Variants in CCNT1 observed in about 807,000 individuals in gnomAD.
CCNT1 encodes the protein cyclin-T1.
Under a neutral mutation model 67.3 loss-of-function variants are expected in CCNT1, and 18 were observed. The ratio of observed to expected loss-of-function variants is 0.27; its 90% confidence interval spans 0.18 to 0.40. The LOEUF (loss-of-function observed/expected upper bound fraction) is 0.40. Among genes scored for constraint, CCNT1 ranks in the 10% least tolerant of loss-of-function variants. The pLI, the probability that CCNT1 is intolerant of heterozygous loss-of-function variation, is 1.00. For missense variants in CCNT1, 744 were observed against 884.9 expected, an observed-to-expected ratio of 0.84 and a Z score of 2.02; for synonymous variants, 333 against 310.3, an observed-to-expected ratio of 1.07 and a Z score of -0.77.
In CCNT1 at chr12:48,693,509, T is replaced by TG; in HGVS notation, c.1704dup (p.Ser569GlnfsTer5). The TG allele has an allele frequency of 6.2e-7, 1 of 1,614,174 alleles. No homozygotes were observed. Among genetic ancestry groups the TG allele is most frequent in the Middle Eastern group, 1.6e-4 (1 of 6,062 alleles). ...GAGGGTCCCCTTTTACGAGTAGAACTGGAAGAGGAAAAAGAACTAGACAAG... is the reference window on the plus strand; with the variant it reads ...GAGGGTCCCCTTTTACGAGTAGAACTGGGAAGAGGAAAAAGAACTAGACAAG... On this transcript the variant is annotated frameshift_variant, in exon 9 of 9. Transcript: ENST00000261900. LOFTEE classifies it high-confidence loss of function.
At position 48,693,946 on chromosome 12, in the gene CCNT1, T is replaced by C; in HGVS notation, c.1268A>G (p.Gln423Arg). Residue 423 changes from glutamine (Q) to arginine (R), a missense_variant, in exon 9 of 9, where the codon CAG becomes CGG. Physicochemically the swap from Gln to Arg is conservative, Grantham distance 43. Transcript: ENST00000261900. ...NVKSQYAYAA[Q>R]NLLSHHDSHS... is the part of the protein sequence containing the mutation. ...GCTATCATGATGAGAAAGGAGATTC[T>C]GGGCAGCATATGCATATTGTGACTT... 6.2e-7 allele frequency: 1 copy of C among 1,614,222 alleles called. No individual in the cohort carries two copies. The highest frequency in any genetic ancestry group is 8.5e-7 in the Non-Finnish European group (1 of 1,180,040).
intron 2 of CCNT1, among the ~76,000 whole-genome samples, chr12:48,707,001 C>T (rs942932034): frequency 6.6e-6 from 1 of 151,992 alleles, no homozygotes; most frequent in African/African-American, 2.4e-5. Context: ...CCCAGGAGTC[C>T]GAGACCAGCC....
chr12:48,707,669 T>G (rs1367541264), intron 2 of CCNT1, among the ~76,000 whole-genome samples: 5 of 147,070 alleles, frequency 3.4e-5, no homozygotes, highest in Admixed American at 6.6e-5. Context: ...TATGTACCCA[T>G]GATAATTAAT....
chr12:48,693,005 G>T lies in CCNT1; in HGVS notation c.*28C>A. 1 of 1,406,068 alleles carries T rather than the reference G, an allele frequency of 7.1e-7. No homozygotes were observed. The highest frequency in any genetic ancestry group is 9.6e-7 in the Non-Finnish European group (1 of 1,044,256). The allele number at this position is 1,406,068 out of a possible 1,614,324, so 87.1% of individuals were successfully genotyped here. ...AAAAATTATGTGTTTTTTTAAAGAA[G>T]TTTTTTTCTCCTCTTCTTTTTCTTT... On this transcript the variant is annotated 3_prime_UTR_variant, in exon 9 of 9. Coordinates refer to ENST00000261900, the MANE Select transcript of CCNT1 (RefSeq NM_001240.4).
In CCNT1 at chr12:48,693,581, G is replaced by A. The variant is rs1239735432; in HGVS notation, c.1633C>T (p.Pro545Ser). Residue 545 changes from proline to serine, a missense_variant, in exon 9 of 9, where the codon CCA becomes TCA. By Grantham distance (74) the Pro-to-Ser change is moderately conservative (BLOSUM62 -1). Coordinates refer to ENST00000261900, the MANE Select transcript of CCNT1 (RefSeq NM_001240.4). ...VGTGNKRPGD[P>S]KHSSQTSNLA... is the part of the protein sequence containing the mutation. ...TTGCTTGTCTGGCTACTATGTTTTG[G>A]ATCACCAGGACGTTTGTTCCCAGTA... The A allele has an allele frequency of 6.2e-7, 1 of 1,614,122 alleles. No homozygotes were observed. The highest frequency in any genetic ancestry group is 2.2e-5 in the East Asian group (1 of 44,864).
chr12:48,715,867 C>A (rs1279096418), intron 1 of CCNT1, among the ~76,000 whole-genome samples: 1 of 152,214 alleles, frequency 6.6e-6, no homozygotes, highest in Non-Finnish European at 1.5e-5. Context: ...GTATCCCCTA[C>A]AAACGTAAAC....
rs754145543 is a variant in CCNT1, at chr12:48,693,847, T to C, written c.1367A>G (p.Asp456Gly). The change falls in exon 9 of 9, where the codon GAC (aspartate) becomes GGC (glycine). Residue 456 changes from aspartate to glycine, a missense_variant. Coordinates refer to ENST00000261900, the MANE Select transcript of CCNT1 (RefSeq NM_001240.4). ...GATTCTCATTTTGAGAGCTGTTTTG[T>C]CAGCCTTTTCCAGAAAAGGCCGCTC... The part of the protein sequence containing the change: ...NPERPFLEKA[D>G]KTALKMRIPV... 18 of 1,614,154 alleles carry C rather than the reference T, an allele frequency of 1.1e-5. No individual in the cohort carries two copies. The highest frequency in any genetic ancestry group is 1.4e-5 in the Non-Finnish European group (17 of 1,180,008).
chr12:48,715,628 T>TA (rs1940521909), intron 1 of CCNT1, among the ~76,000 whole-genome samples: 2 of 151,804 alleles, frequency 1.3e-5, no homozygotes, highest in African/African-American at 4.8e-5. Flanking sequence ...GCCGGGGTAA[T>TA]TTTTTGTATT....
rs149815658 is a variant in CCNT1 at position 48,693,304 on chromosome 12, G to T, written c.1910C>A (p.Ser637Ter). 1.9e-6 allele frequency: 3 copies of T among 1,614,176 alleles called. No homozygotes were observed. The Admixed American group carries it at 5.0e-5, about 27-fold the overall frequency. The change falls in exon 9 of 9, where the codon TCG (serine) becomes TAG (stop). Residue 637 changes from serine (S) to a stop codon, truncating the protein, a stop_gained. Coordinates refer to ENST00000261900, the MANE Select transcript of CCNT1 (RefSeq NM_001240.4). LOFTEE classifies it high-confidence loss of function. Reference protein sequence around the residue: ...QPSCKTRVPHSKLDKGPTGAN... With the variant: ...QPSCKTRVPH ...CCCAGTGGGCCCTTTATCCAGTTTC[G>T]AATGAGGGACACGAGTTTTACAGCT...
In CCNT1 at chr12:48,716,706, C is replaced by G. The variant is rs778949356; in HGVS notation, c.-31G>C. On this transcript the variant is annotated 5_prime_UTR_variant, in exon 1 of 9. Transcript: ENST00000261900. ...TTCAACCAGAAGGCAGCGGCGAAGG[C>G]TGCAGGCACTTCCCAGCGTCACCTA... 2.5e-6 allele frequency: 4 copies of G among 1,605,258 alleles called. No individual in the cohort carries two copies. The highest frequency in any genetic ancestry group is 3.4e-6 in the Non-Finnish European group (4 of 1,173,902).
intron 2 of CCNT1, among the ~76,000 whole-genome samples, chr12:48,707,866 C>T (rs1302290935): frequency 2.6e-5 from 4 of 151,400 alleles, no homozygotes; most frequent in South Asian, 2.1e-4. Context: ...AAGACCAGCC[C>T]GGCCAACATG....
At position 48,696,079 on chromosome 12, in the gene CCNT1, T is replaced by A. The variant is rs1331561433; in HGVS notation, c.626A>T (p.Asn209Ile). 10 of 1,613,826 alleles carry A rather than the reference T, an allele frequency of 6.2e-6. No individual in the cohort carries two copies. The highest frequency in any genetic ancestry group is 1.3e-5 in the African/African-American group (1 of 74,846). ...GTCAGTTGAGACTGGGATCTCCCAA[T>A]TGGACCACTTGCAAGCCAGGTGAAT... is the stretch of plus-strand genomic sequence containing the variant. ...VCIHLACKWS[N>I]WEIPVSTDGK... is the part of the protein sequence containing the mutation. The change falls in exon 7 of 9, where the codon AAT (asparagine) becomes ATT (isoleucine). Residue 209 changes from asparagine (N) to isoleucine (I), a missense_variant. Transcript: ENST00000261900.
rs776007780 is a variant in CCNT1 at position 48,693,612 on chromosome 12, T to G, written c.1602A>C (p.Pro534=). The G allele has an allele frequency of 6.2e-7, 1 of 1,614,184 alleles. No individual in the cohort carries two copies. Among genetic ancestry groups the G allele is most frequent in the Non-Finnish European group, 8.5e-7 (1 of 1,180,030 alleles). ...CAGGACGTTTGTTCCCAGTACCAAC[T>G]GGAAGTTGGGAATGAGAGTGCTTGT... ...HSHKHSHSQL[P]VGTGNKRPGD... is the part of the protein sequence containing the mutation. The change falls in exon 9 of 9, where the codon CCA becomes CCC. Residue 534 remains proline, a synonymous_variant. Transcript: ENST00000261900.
chr12:48,692,266 T>G lies in CCNT1; in HGVS notation c.*767A>C, dbSNP rs1368241899. 1 of 152,228 alleles carries G rather than the reference T, an allele frequency of 6.6e-6. No homozygotes were observed. The highest frequency in any genetic ancestry group is 1.9e-4 in the East Asian group (1 of 5,208). The allele number at this position is 152,228 out of a possible 1,614,324, so 9.4% of individuals were successfully genotyped here. On this transcript the variant is annotated 3_prime_UTR_variant, in exon 9 of 9. Transcript: ENST00000261900. ...TGTCAAATACATGCCTCTTCCTTTATGTTCTCAAGGCCAACCATGTTTTTC... is the reference window on the plus strand; with the variant it reads ...TGTCAAATACATGCCTCTTCCTTTAGGTTCTCAAGGCCAACCATGTTTTTC...
At chr12:48,705,970 G>C (rs904550515) in intron 2 of CCNT1, 74 bp from the exon 3 acceptor site, 1 of 1,399,520 alleles carries the variant, frequency 7.1e-7, no homozygotes, top group Non-Finnish European at 9.6e-7. Context: ...CTAAAGAGGA[G>C]CTAAGTCTCA....
chr12:48,698,218 G>A (rs753650143), intron 5 of CCNT1, 35 bp from the exon 6 acceptor site: 10 of 1,425,030 alleles, frequency 7.0e-6, no homozygotes, highest in Non-Finnish European at 8.6e-6. Flanking sequence ...GGGTGGGGGA[G>A]GAAAAAAGTT....
rs1170556617 is a variant in CCNT1, at chr12:48,705,712, G to GA, written c.372+55dup. 1,207 of 1,403,808 alleles carry GA rather than the reference G, an allele frequency of 8.6e-4. 2 individuals carry two copies. The highest frequency in any genetic ancestry group is 2.2e-3 in the South Asian group (171 of 77,792). 87.0% of individuals were successfully genotyped at this position (1,403,808 alleles called of 1,614,324 possible). On this transcript the variant is annotated intron_variant, in intron 3 of 8. Coordinates refer to ENST00000261900, the MANE Select transcript of CCNT1 (RefSeq NM_001240.4). ...AGATCCAGGCATGCTTGGGAGTAGG[G>GA]AAAAAAAAAGAAAGGAAAAAAATTA...
intron 2 of CCNT1, 74 bp downstream of exon 2, chr12:48,714,369 G>C (rs1028260058): frequency 2.1e-6 from 2 of 931,412 alleles, no homozygotes; most frequent in Non-Finnish European, 3.5e-6. Flanking sequence ...CAGTAGCAAA[G>C]ACCAACCACA....
rs1444043564 is a variant in CCNT1 at position 48,705,630 on chromosome 12, C to T, written c.372+138G>A. ...ACACTAAAATATTCTTTTAACAACA[C>T]CAATCTAAACTTCAATAAATCGAAG... is the stretch of plus-strand genomic sequence containing the variant. On this transcript the variant is annotated intron_variant, in intron 3 of 8. Transcript: ENST00000261900. 7.0e-6 allele frequency: 5 copies of T among 717,198 alleles called. No homozygotes were observed. The South Asian group carries it at 9.2e-5, about 13-fold the overall frequency. The allele number at this position is 717,198 out of a possible 1,614,324, so 44.4% of individuals were successfully genotyped here.
Sources: allele counts gnomAD v4.1 joint callset (sites outside exome capture counted in the v4.1 genomes callset), GRCh38; gene constraint gnomAD v4.1.1; transcripts MANE v1.5; gene names NCBI Gene and HGNC (gene_info 2026-07-23, HGNC 2026-07-21).